PPP1R12A: variants seen among roughly 807,000 people sequenced by gnomAD.
PPP1R12A encodes the protein protein phosphatase 1 regulatory subunit 12A, also known as myosin binding subunit.
A neutral mutation model predicts 139.6 loss-of-function variants in PPP1R12A; 19 were observed. That is an observed-to-expected ratio of 0.14 (90% CI 0.09 to 0.20). PPP1R12A has a LOEUF of 0.20. PPP1R12A is among the 10% of genes least tolerant of loss of function. The pLI is 1.00. For synonymous variants in PPP1R12A, 427 were observed against 420.6 expected, an observed-to-expected ratio of 1.02 and a Z score of -0.19; for missense variants, 925 against 1,211.5, an observed-to-expected ratio of 0.76 and a Z score of 3.51.
intron 1 of PPP1R12A, among the ~76,000 whole-genome samples, chr12:79,883,230 T>C (rs895173582): frequency 2.0e-5 from 3 of 152,292 alleles, no homozygotes; most frequent in Admixed American, 1.3e-4. Flanking sequence ...CATTTGTTTT[T>C]AGCAATAAAG....
rs143892174 is a variant in PPP1R12A, at chr12:79,786,635, T to A, written c.2803-157A>T. 3.8e-4 allele frequency: 188 copies of A among 497,494 alleles called. 1 individual carries two copies. The highest frequency in any genetic ancestry group is 3.5e-3 in the African/African-American group (171 of 49,466). 30.8% of individuals were successfully genotyped at this position (497,494 alleles called of 1,614,324 possible). A position where few individuals can be genotyped will look rare whatever the true frequency, so the allele number is the denominator to read the frequency against. Reference sequence around the variant, plus strand: ...TCCTTCATGGTTGCAAAGCAGAGACTGTTCGTTATGCAAGTGTGTTTGTCC... The same window carrying A: ...TCCTTCATGGTTGCAAAGCAGAGACAGTTCGTTATGCAAGTGTGTTTGTCC... On this transcript the variant is annotated intron_variant, in intron 21 of 24. Coordinates refer to ENST00000450142, the MANE Select transcript of PPP1R12A (RefSeq NM_002480.3).
intron 1 of PPP1R12A, among the ~76,000 whole-genome samples, chr12:79,878,044 G>T: frequency 6.8e-6 from 1 of 147,898 alleles, no homozygotes; most frequent in Admixed American, 6.8e-5. Flanking sequence ...TATTAAGAAG[G>T]TTTTTTTTTT....
chr12:79,803,750 C>T (rs183209731), intron 14 of PPP1R12A, among the ~76,000 whole-genome samples: 14 of 152,000 alleles, frequency 9.2e-5, no homozygotes, highest in Admixed American at 5.9e-4. Flanking sequence ...ATAATATAGA[C>T]GAGAAAAAAT....
chr12:79,866,806 AAGTT>A (rs1483984815), intron 2 of PPP1R12A, among the ~76,000 whole-genome samples: 1 of 152,240 alleles, frequency 6.6e-6, no homozygotes, highest in Non-Finnish European at 1.5e-5. Context: ...GATCATTAAA[AAGTT>A]AGGAAACAAC....
intron 1 of PPP1R12A, among the ~76,000 whole-genome samples, chr12:79,889,852 G>A (rs1168959389): frequency 2.6e-5 from 4 of 152,214 alleles, no homozygotes; most frequent in South Asian, 4.2e-4. Flanking sequence ...TCCAGTGAAG[G>A]TCTGCGTCCT....
At chr12:79,843,949 C>T (rs1009948957) in intron 3 of PPP1R12A, among the ~76,000 whole-genome samples, 4 of 151,948 alleles carry the variant, frequency 2.6e-5, no homozygotes, top group Non-Finnish European at 4.4e-5. Flanking sequence ...GTGATCTGCC[C>T]GCCTTGGCCT....
chr12:79,849,799 C>G (rs1879837053), intron 2 of PPP1R12A, among the ~76,000 whole-genome samples: 1 of 152,036 alleles, frequency 6.6e-6, no homozygotes, highest in African/African-American at 2.4e-5. Flanking sequence ...ATAAGAGATG[C>G]CACCTAGTAC....
At chr12:79,858,375 A>C (rs1281570032) in intron 2 of PPP1R12A, among the ~76,000 whole-genome samples, 1 of 152,244 alleles carries the variant, frequency 6.6e-6, no homozygotes, top group Non-Finnish European at 1.5e-5. Flanking sequence ...ATATTTACTG[A>C]ATAGAAATAC....
intron 3 of PPP1R12A, among the ~76,000 whole-genome samples, chr12:79,842,030 C>T (rs542945489): frequency 1.3e-5 from 2 of 151,462 alleles, no homozygotes; most frequent in Non-Finnish European, 2.9e-5. Flanking sequence ...TTAAACAAAC[C>T]CACAGTTGGC....
At chr12:79,850,679 T>G (rs1879937254) in intron 2 of PPP1R12A, among the ~76,000 whole-genome samples, 1 of 152,178 alleles carries the variant, frequency 6.6e-6, no homozygotes, top group East Asian at 1.9e-4. Flanking sequence ...TGAATTGCAT[T>G]TCTTAGTGTT....
chr12:79,931,637 C>G (rs1158029411), intron 1 of PPP1R12A, among the ~76,000 whole-genome samples: 2 of 152,148 alleles, frequency 1.3e-5, no homozygotes, highest in African/African-American at 4.8e-5. Context: ...TAATCACATA[C>G]TGTAAAACTC....
intron 1 of PPP1R12A, among the ~76,000 whole-genome samples, chr12:79,901,145 A>T (rs1404237347): frequency 6.6e-6 from 1 of 152,194 alleles, no homozygotes; most frequent in Non-Finnish European, 1.5e-5. Context: ...TAGATCGGGA[A>T]CCAATTAGGA....
intron 1 of PPP1R12A, among the ~76,000 whole-genome samples, chr12:79,918,263 T>A (rs976593888): frequency 6.6e-6 from 1 of 152,086 alleles, no homozygotes; most frequent in Non-Finnish European, 1.5e-5. Context: ...CAGAGGCAAG[T>A]AAGAGAACAG....
rs532026038 is a variant in PPP1R12A at position 79,844,790 on chromosome 12, A to C, written c.487+512T>G. On this transcript the variant is annotated intron_variant, in intron 3 of 24. Coordinates refer to ENST00000450142, the MANE Select transcript of PPP1R12A (RefSeq NM_002480.3). ...GACCTCCTGCTACTTCTGTGACCTCATCTCCTTCCTGCCTCTTCCTCTGCT... is the reference window on the plus strand; with the variant it reads ...GACCTCCTGCTACTTCTGTGACCTCCTCTCCTTCCTGCCTCTTCCTCTGCT... Among the ~76,000 whole-genome samples, 4 of 152,130 alleles carry C rather than the reference A, an allele frequency of 2.6e-5. No homozygotes were observed. The South Asian group carries it at 8.3e-4, about 32-fold the overall frequency.
intron 4 of PPP1R12A, among the ~76,000 whole-genome samples, chr12:79,828,919 A>G (rs1352187649): frequency 6.6e-6 from 1 of 152,184 alleles, no homozygotes; most frequent in Admixed American, 6.5e-5. Context: ...CACTGGAATC[A>G]AAGAAACTTG....
At chr12:79,879,606 A>C (rs1159229976) in intron 1 of PPP1R12A, among the ~76,000 whole-genome samples, 1 of 152,208 alleles carries the variant, frequency 6.6e-6, no homozygotes, top group Non-Finnish European at 1.5e-5. Context: ...AATGAAATAC[A>C]TAAATGAGTA....
intron 1 of PPP1R12A, among the ~76,000 whole-genome samples, chr12:79,883,075 T>C (rs973984401): frequency 1.2e-4 from 18 of 152,176 alleles, no homozygotes; most frequent in Middle Eastern, 3.4e-3. Context: ...AGGTGGAGTT[T>C]ACAGTGAGCC....
chr12:79,808,416 A>G (rs756634817), intron 11 of PPP1R12A, 67 bp downstream of exon 11: 12 of 1,075,040 alleles, frequency 1.1e-5, no homozygotes, highest in Non-Finnish European at 8.5e-6. Flanking sequence ...ATGCTCATGT[A>G]TTAACTCTAA....
At chr12:79,832,153 AG>A (rs1385103479) in intron 4 of PPP1R12A, among the ~76,000 whole-genome samples, 178 bp downstream of exon 4, 2 of 152,254 alleles carry the variant, frequency 1.3e-5, no homozygotes, top group South Asian at 4.1e-4. Context: ...GAGAGTTGAA[AG>A]AATTTTAGAA....
Sources: gnomAD v4.1 joint callset for allele counts (sites outside exome capture counted in the v4.1 genomes callset) on GRCh38, gnomAD v4.1.1 for gene constraint, MANE v1.5 for transcripts, NCBI Gene and HGNC (gene_info 2026-07-23, HGNC 2026-07-21) for gene names.